Variants in TMC3 observed in about 807,000 individuals in gnomAD.
TMC3 encodes transmembrane channel-like protein 3.
Under a neutral mutation model 110.6 loss-of-function variants are expected in TMC3, and 98 were observed. The ratio of observed to expected loss-of-function variants is 0.89; its 90% confidence interval spans 0.75 to 1.05. TMC3 has a LOEUF of 1.05. Ranked by LOEUF, TMC3 falls within the 50% of genes least tolerant of loss-of-function variation. TMC3 has a pLI of 0.00. For synonymous variants in TMC3, 489 were observed against 513.1 expected, an observed-to-expected ratio of 0.95 and a Z score of 0.63; for missense variants, 1,319 against 1,373.2, an observed-to-expected ratio of 0.96 and a Z score of 0.62.
intron 11 of TMC3, among the ~76,000 whole-genome samples, chr15:81,347,265 G>A (rs192909107): frequency 3.9e-5 from 6 of 152,338 alleles, no homozygotes; most frequent in Admixed American, 2.6e-4. Flanking sequence ...TGGGAGAATC[G>A]TGAAACCAAT....
chr15:81,366,197 A>G (rs1480233390), intron 3 of TMC3, among the ~76,000 whole-genome samples: 4 of 152,256 alleles, frequency 2.6e-5, no homozygotes, highest in Non-Finnish European at 5.9e-5. Flanking sequence ...AAGCAAGTCC[A>G]TGCCACAATG....
At chr15:81,372,523 G>A (rs1894459168) in intron 2 of TMC3, 68 bp downstream of exon 2, 3 of 1,594,428 alleles carry the variant, frequency 1.9e-6, no homozygotes, top group African/African-American at 1.3e-5. Flanking sequence ...TCGTTCCCAT[G>A]GGCAAGGCAA....
At chr15:81,358,686 T>A (rs949877519) in intron 5 of TMC3, among the ~76,000 whole-genome samples, 186 bp from the exon 6 acceptor site, 1 of 152,204 alleles carries the variant, frequency 6.6e-6, no homozygotes, top group Non-Finnish European at 1.5e-5. Flanking sequence ...TTTGCCTGAT[T>A]AGAGCTCACC....
rs184834472 is a variant in TMC3 at position 81,349,474 on chromosome 15, G to A, written c.1177C>T (p.Arg393Cys). 2.6e-4 allele frequency: 404 copies of A among 1,528,842 alleles called. 2 individuals carry two copies. Among genetic ancestry groups the A allele is most frequent in the East Asian group, 9.6e-4 (38 of 39,740 alleles). 94.7% of individuals were successfully genotyped at this position (1,528,842 alleles called of 1,614,324 possible). Residue 393 changes from arginine (R) to cysteine (C), a missense_variant, in exon 11 of 22, where the codon CGC becomes TGC. Transcript: ENST00000359440. ...CTGTTGTACCTTGCAAGCTGGAAGC[G>A]CAGCGTGGTCCTGGGGTGGTACATC... The part of the protein sequence containing the change: ...LEMYHPRTTL[R>C]FQLARVLVLY...
intron 18 of TMC3, 126 bp downstream of exon 18, chr15:81,338,529 A>G (rs1003757659): frequency 2.2e-5 from 28 of 1,289,954 alleles, no homozygotes; most frequent in Non-Finnish European, 2.9e-5. Flanking sequence ...TGTTGAGATC[A>G]TCAGGCTCTA....
intron 11 of TMC3, 88 bp from the exon 12 acceptor site, chr15:81,346,531 A>C: frequency 7.7e-7 from 1 of 1,304,700 alleles, no homozygotes; most frequent in Non-Finnish European, 1.1e-6. Context: ...AAAGACTGTC[A>C]TGGATATATT....
Position 81,332,252 on chromosome 15 carries a change from G to GT in TMC3, c.*166dup. The stretch of plus-strand genomic sequence containing the variant: ...TTGGCTAACAGTAGCTGTAGAATAG[G>GT]TATCTGTAGCCCTGTCAGCCTCAGG... On this transcript the variant is annotated 3_prime_UTR_variant, in exon 22 of 22. Transcript: ENST00000359440. The GT allele has an allele frequency of 1.0e-6, 1 of 988,170 alleles. No individual in the cohort carries two copies. Among genetic ancestry groups the GT allele is most frequent in the Non-Finnish European group, 1.4e-6 (1 of 700,526 alleles). The allele number at this position is 988,170 out of a possible 1,614,324, so 61.2% of individuals were successfully genotyped here. A position where few individuals can be genotyped will look rare whatever the true frequency, so the allele number is the denominator to read the frequency against.
At chr15:81,351,651 T>C in intron 10 of TMC3, 43 bp downstream of exon 10, 1 of 1,550,098 alleles carries the variant, frequency 6.5e-7, no homozygotes, top group Non-Finnish European at 8.7e-7. Context: ...TGTGCCCAGC[T>C]ATGTCTCTTT....
In TMC3 at chr15:81,356,591, C is replaced by T. The variant is rs1387584552; in HGVS notation, c.747G>A (p.Met249Ile). 1 of 1,586,904 alleles carries T rather than the reference C, an allele frequency of 6.3e-7. No homozygotes were observed. Among genetic ancestry groups the T allele is most frequent in the Admixed American group, 1.8e-5 (1 of 55,938 alleles). Reference sequence around the variant, plus strand: ...CAAGACTCGTGCGGGAGTTCTTAGCCATCCTGCAAAAGAGGAGCACAAACA... The same window carrying T: ...CAAGACTCGTGCGGGAGTTCTTAGCTATCCTGCAAAAGAGGAGCACAAACA... ...AYSFIILLKK[M>I]AKNSRTSLAS... The change falls in exon 8 of 22, where the codon ATG (methionine) becomes ATA (isoleucine). Residue 249 changes from methionine to isoleucine, a missense_variant. Physicochemically the swap from Met to Ile is conservative, Grantham distance 10. Coordinates refer to ENST00000359440, the MANE Select transcript of TMC3 (RefSeq NM_001080532.3).
At chr15:81,355,673 A>C in intron 9 of TMC3, 52 bp downstream of exon 9, 1 of 1,246,844 alleles carries the variant, frequency 8.0e-7, no homozygotes, top group Non-Finnish European at 1.2e-6. Context: ...TTTGTACCAA[A>C]CTAAAAATAA....
chr15:81,352,637 T>G (rs1893975336), intron 9 of TMC3, among the ~76,000 whole-genome samples: 1 of 152,190 alleles, frequency 6.6e-6, no homozygotes, highest in Non-Finnish European at 1.5e-5. Flanking sequence ...CTCAGGCAGG[T>G]CCTTCAGGAG....
At position 81,357,787 on chromosome 15, in the gene TMC3, A is replaced by G. The variant is rs566409787; in HGVS notation, c.743+362T>C. Among the ~76,000 whole-genome samples the G allele has an allele frequency of 2.6e-5, 4 of 152,300 alleles. No homozygotes were observed. The South Asian group carries it at 6.2e-4, about 24-fold the overall frequency. ...CCTAGATCATATTGCTTATGTCCCT[A>G]TTAGTGCAGCTACCACATTGTCTAA... On this transcript the variant is annotated intron_variant, in intron 7 of 21. Transcript: ENST00000359440.
At chr15:81,335,362 C>T (rs912156237) in intron 20 of TMC3, among the ~76,000 whole-genome samples, 12 of 152,298 alleles carry the variant, frequency 7.9e-5, no homozygotes, top group African/African-American at 1.9e-4. Context: ...GATGTGGTCT[C>T]GAGCTGGAAA....
intron 10 of TMC3, among the ~76,000 whole-genome samples, chr15:81,350,301 T>C (rs8043537): frequency 0.16 from 23,925 of 152,180 alleles, 3,593 homozygotes; most frequent in African/African-American, 0.4. Context: ...ACAGTATTTA[T>C]ACTTCCCTGA....
rs1052215200 is a variant in TMC3 at position 81,332,335 on chromosome 15, C to CT, written c.*83dup. The CT allele has an allele frequency of 2.7e-6, 4 of 1,473,726 alleles. No homozygotes were observed. The East Asian group carries it at 7.2e-5, about 27-fold the overall frequency. The allele number at this position is 1,473,726 out of a possible 1,614,324, so 91.3% of individuals were successfully genotyped here. A position where few individuals can be genotyped will look rare whatever the true frequency, so the allele number is the denominator to read the frequency against. ...AGGTCTCTAACACACTTGTTCACCTCTTTTTCCAGAAAGGGAGATGCCATG... is the reference window on the plus strand; with the variant it reads ...AGGTCTCTAACACACTTGTTCACCTCTTTTTTCCAGAAAGGGAGATGCCATG... On this transcript the variant is annotated 3_prime_UTR_variant, in exon 22 of 22. Transcript: ENST00000359440.
Position 81,351,725 on chromosome 15 carries a change from T to G in TMC3, c.1052A>C (p.Lys351Thr). 1 of 1,564,628 alleles carries G rather than the reference T, an allele frequency of 6.4e-7. No individual in the cohort carries two copies. ...VDRSQKLEQS[K>T]KELTLWEKNE... The stretch of plus-strand genomic sequence containing the variant: ...CTTTTCCCAAAGTGTCAGCTCCTTC[T>G]TCGACTGCTCCAGCTTCTGGGACCG... Residue 351 changes from lysine (K) to threonine (T), a missense_variant, in exon 10 of 22, where the codon AAG (lysine) becomes ACG (threonine). By Grantham distance (78) the Lys-to-Thr change is moderately conservative (BLOSUM62 -1). Coordinates refer to ENST00000359440, the MANE Select transcript of TMC3 (RefSeq NM_001080532.3).
At chr15:81,349,849 C>T (rs986274771) in intron 10 of TMC3, among the ~76,000 whole-genome samples, 2 of 147,410 alleles carry the variant, frequency 1.4e-5, no homozygotes, top group Non-Finnish European at 3.0e-5. Context: ...TGCTGTGGCT[C>T]ACACCTGTAA....
At chr15:81,355,543 AGTC>A (rs1467058815) in intron 9 of TMC3, among the ~76,000 whole-genome samples, 179 bp downstream of exon 9, 1 of 152,228 alleles carries the variant, frequency 6.6e-6, no homozygotes, top group Non-Finnish European at 1.5e-5. Flanking sequence ...GGAAGGAGGA[AGTC>A]GTCCTAAATA....
At chr15:81,373,184 C>T (rs1235634685) in intron 1 of TMC3, among the ~76,000 whole-genome samples, 2 of 152,060 alleles carry the variant, frequency 1.3e-5, no homozygotes, top group African/African-American at 2.4e-5. Context: ...TAACATAAAT[C>T]AAAACTTCTG....
Sources: allele counts gnomAD v4.1 joint callset (sites outside exome capture counted in the v4.1 genomes callset), GRCh38; gene constraint gnomAD v4.1.1; transcripts MANE v1.5; gene names NCBI Gene and HGNC (gene_info 2026-07-23, HGNC 2026-07-21).